The following AMPH variants were observed in gnomAD, a reference collection of about 807,000 sequenced individuals.
AMPH encodes the protein amphiphysin.
In AMPH, 49 loss-of-function variants were observed where a neutral mutation model predicts 99.1. That is an observed-to-expected ratio of 0.49 (90% CI 0.39 to 0.63). The LOEUF (loss-of-function observed/expected upper bound fraction) is 0.63. Ranked by LOEUF, AMPH falls within the 20% of genes least tolerant of loss-of-function variation. The pLI is 0.00. For synonymous variants in AMPH, 314 were observed against 317.3 expected, an observed-to-expected ratio of 0.99 and a Z score of 0.11; for missense variants, 759 against 863.4, an observed-to-expected ratio of 0.88 and a Z score of 1.52.
intron 17 of AMPH, among the ~76,000 whole-genome samples, chr7:38,403,092 A>C (rs1187291023): frequency 1.3e-5 from 2 of 152,134 alleles, no homozygotes; most frequent in African/African-American, 4.8e-5. Flanking sequence ...TGGAGACGTC[A>C]GAAGCCAGTT....
intron 2 of AMPH, among the ~76,000 whole-genome samples, chr7:38,519,496 G>A (rs1016613391): frequency 1.8e-4 from 28 of 151,988 alleles, no homozygotes; most frequent in Admixed American, 2.0e-4. Flanking sequence ...CCAAAACCCA[G>A]TATATTAAAA....
intron 1 of AMPH, among the ~76,000 whole-genome samples, chr7:38,557,541 C>T (rs549387909): frequency 2.5e-4 from 38 of 152,272 alleles, no homozygotes; most frequent in South Asian, 6.2e-4. Flanking sequence ...GCTTCCCCTT[C>T]GGCCATGATT....
intron 15 of AMPH, among the ~76,000 whole-genome samples, chr7:38,424,561 A>G (rs77694047): frequency 0.014 from 2,122 of 152,202 alleles, 54 homozygotes; most frequent in African/African-American, 0.049. Context: ...AGAGAAAAGG[A>G]AACAGCAAAG....
intron 7 of AMPH, among the ~76,000 whole-genome samples, chr7:38,474,025 A>G (rs1196771262): frequency 6.6e-6 from 1 of 152,054 alleles, no homozygotes; most frequent in Non-Finnish European, 1.5e-5. Context: ...AAAGGTGTAC[A>G]GCAAGAGGTC....
At chr7:38,465,341 G>T in intron 9 of AMPH, 126 bp downstream of exon 9, 2 of 730,218 alleles carry the variant, frequency 2.7e-6, no homozygotes, top group Non-Finnish European at 4.3e-6. Flanking sequence ...ATTAGTGTCA[G>T]CTTCTAGGGT....
In AMPH at chr7:38,436,187, T is replaced by A. The variant is rs1203655432; in HGVS notation, c.1134+85A>T. ...CAAAAATAAAAATAGATAGTAGTCA[T>A]GAAAGGTATAGGGATCATTGGTTAC... is the stretch of plus-strand genomic sequence containing the variant. On this transcript the variant is annotated intron_variant, in intron 12 of 20. Transcript: ENST00000356264. 3 of 967,806 alleles carry A rather than the reference T, an allele frequency of 3.1e-6. No individual in the cohort carries two copies. The African/African-American group carries it at 4.9e-5, about 16-fold the overall frequency. The allele number at this position is 967,806 out of a possible 1,614,324, so 60.0% of individuals were successfully genotyped here. A position where few individuals can be genotyped will look rare whatever the true frequency, so the allele number is the denominator to read the frequency against.
chr7:38,604,976 G>A (rs62442570), intron 1 of AMPH, among the ~76,000 whole-genome samples: 55,794 of 152,026 alleles, frequency 0.37, 10,986 homozygotes, highest in Non-Finnish European at 0.44. Context: ...GGATTAACAG[G>A]TGATTCATTT....
At chr7:38,400,545 C>G (rs1784812714) in intron 17 of AMPH, among the ~76,000 whole-genome samples, 1 of 152,200 alleles carries the variant, frequency 6.6e-6, no homozygotes, top group Non-Finnish European at 1.5e-5. Context: ...GGTTATCAAT[C>G]ATGTAAAATA....
At chr7:38,512,115 G>A (rs1442077725) in intron 2 of AMPH, among the ~76,000 whole-genome samples, 1 of 152,156 alleles carries the variant, frequency 6.6e-6, no homozygotes, top group African/African-American at 2.4e-5. Flanking sequence ...GCTCTAGTAT[G>A]AGATCCCTAA....
intron 17 of AMPH, among the ~76,000 whole-genome samples, chr7:38,413,683 G>A (rs1376131740): frequency 1.3e-5 from 2 of 151,908 alleles, no homozygotes; most frequent in African/African-American, 4.8e-5. Context: ...CATCTCCAAG[G>A]TTCTCATAAA....
chr7:38,615,922 G>A (rs1793856870), intron 1 of AMPH, among the ~76,000 whole-genome samples: 1 of 152,168 alleles, frequency 6.6e-6, no homozygotes, highest in Admixed American at 6.5e-5. Flanking sequence ...GAGCCAGTGG[G>A]TGCATGCCAT....
chr7:38,429,201 T>C lies in AMPH; in HGVS notation c.1182+641A>G, dbSNP rs1455263871. On this transcript the variant is annotated intron_variant, in intron 14 of 20. Coordinates refer to ENST00000356264, the MANE Select transcript of AMPH (RefSeq NM_001635.4). ...TGGCATGTCTGAGTCAAGTGGGTCA[T>C]ACAGCTGCTCCATCTCCACACAAGC... 2 of 1,289,614 alleles carry C rather than the reference T, an allele frequency of 1.6e-6. 1 individual carries two copies. The highest frequency in any genetic ancestry group is 2.5e-5 in the South Asian group (2 of 80,990). The allele number at this position is 1,289,614 out of a possible 1,614,324, so 79.9% of individuals were successfully genotyped here.
At chr7:38,527,285 A>C (rs1790224653) in intron 2 of AMPH, among the ~76,000 whole-genome samples, 1 of 152,240 alleles carries the variant, frequency 6.6e-6, no homozygotes, top group Non-Finnish European at 1.5e-5. Flanking sequence ...CTATGGTCAT[A>C]AAAAACATGC....
chr7:38,569,440 T>G (rs67478317), intron 1 of AMPH, among the ~76,000 whole-genome samples: 42,723 of 151,682 alleles, frequency 0.28, 6,403 homozygotes, highest in Non-Finnish European at 0.34. Context: ...CCTTTGTATC[T>G]AAAGAAAACA....
chr7:38,599,389 T>G (rs537150584), intron 1 of AMPH, among the ~76,000 whole-genome samples: 16 of 152,336 alleles, frequency 1.1e-4, no homozygotes, highest in Non-Finnish European at 1.5e-5. Flanking sequence ...ATCATCCAAT[T>G]CCACTTAATG....
At chr7:38,413,049 C>T (rs1374992265) in intron 17 of AMPH, among the ~76,000 whole-genome samples, 1 of 152,146 alleles carries the variant, frequency 6.6e-6, no homozygotes, top group Non-Finnish European at 1.5e-5. Context: ...CTGCTTTCTC[C>T]TCCCCAGAGT....
intron 1 of AMPH, among the ~76,000 whole-genome samples, chr7:38,566,396 C>A (rs575099548): frequency 2.0e-5 from 3 of 152,076 alleles, no homozygotes; most frequent in African/African-American, 7.2e-5. Flanking sequence ...CTCAGCCTCC[C>A]AAGTCATTAG....
At chr7:38,576,103 T>C (rs1302511479) in intron 1 of AMPH, among the ~76,000 whole-genome samples, 1 of 152,222 alleles carries the variant, frequency 6.6e-6, no homozygotes, top group Non-Finnish European at 1.5e-5. Context: ...GATGTGGTGC[T>C]ATGTAAGATC....
intron 17 of AMPH, among the ~76,000 whole-genome samples, chr7:38,407,048 C>CTATATATA (rs1200407336): frequency 6.4e-5 from 2 of 31,266 alleles, no homozygotes; most frequent in African/African-American, 1.1e-4. Flanking sequence ...CTCTCTCTCT[C>CTATATATA]TATATATATA....
Sources: allele counts gnomAD v4.1 joint callset (sites outside exome capture counted in the v4.1 genomes callset), GRCh38; gene constraint gnomAD v4.1.1; transcripts MANE v1.5; gene names NCBI Gene and HGNC (gene_info 2026-07-23, HGNC 2026-07-21).